The following SLC22A3 variants were observed in gnomAD, a reference collection of about 807,000 sequenced individuals.
The protein encoded by SLC22A3 is solute carrier family 22 member 3, also known as EMT organic cation transporter 3.
Under a neutral mutation model 59.1 loss-of-function variants are expected in SLC22A3, and 51 were observed. The ratio of observed to expected loss-of-function variants is 0.86; its 90% CI spans 0.69 to 1.09. SLC22A3 has a LOEUF of 1.09. Ranked by LOEUF, SLC22A3 falls within the 50% of genes least tolerant of loss-of-function variation. The pLI is 0.00. For synonymous variants in SLC22A3, 325 were observed against 292.0 expected, an observed-to-expected ratio of 1.11 and a Z score of -1.15; for missense variants, 711 against 726.3, an observed-to-expected ratio of 0.98 and a Z score of 0.24.
At position 160,451,744 on chromosome 6, in the gene SLC22A3, G is replaced by C. The variant is rs1025252024; in HGVS notation, c.*688G>C. 6.6e-6 allele frequency: 1 copy of C among 152,214 alleles called. No individual in the cohort carries two copies. Among genetic ancestry groups the C allele is most frequent in the Admixed American group, 6.5e-5 (1 of 15,276 alleles). The allele number at this position is 152,214 out of a possible 1,614,324, so 9.4% of individuals were successfully genotyped here. A position where few individuals can be genotyped will look rare whatever the true frequency, so the allele number is the denominator to read the frequency against. On this transcript the variant is annotated 3_prime_UTR_variant, in exon 11 of 11. Transcript: ENST00000275300. Reference sequence around the variant, plus strand: ...AGAACCAATCTGCTGTACAATCTGAGGACTTGGCTCTGTTATTTACAAAAT... The same window carrying C: ...AGAACCAATCTGCTGTACAATCTGACGACTTGGCTCTGTTATTTACAAAAT...
intron 4 of SLC22A3, among the ~76,000 whole-genome samples, 186 bp from the exon 5 acceptor site, chr6:160,410,543 G>T (rs1350528201): frequency 6.6e-6 from 1 of 151,804 alleles, no homozygotes; most frequent in Non-Finnish European, 1.5e-5. Context: ...TATCAAGCTA[G>T]CATTTTTCCC....
chr6:160,386,870 TG>T lies in SLC22A3; in HGVS notation c.430-11107del, dbSNP rs1478110649. On this transcript the variant is annotated intron_variant, in intron 1 of 10. Coordinates refer to ENST00000275300, the MANE Select transcript of SLC22A3 (RefSeq NM_021977.4). ...AGTAATGCATCTGGAATGGACCTCC[TG>T]GCTCCTTCCTATTTCTCATCTTGAT... 2.0e-5 allele frequency among the ~76,000 whole-genome samples: 3 copies of T among 152,216 alleles called. No individual in the cohort carries two copies. In the East Asian group the frequency reaches 5.8e-4, roughly 29 times the overall value.
chr6:160,440,563 C>G (rs896268348), intron 7 of SLC22A3, among the ~76,000 whole-genome samples: 3 of 152,162 alleles, frequency 2.0e-5, no homozygotes, highest in Admixed American at 2.0e-4. Flanking sequence ...AGTTTCAGTA[C>G]TCATTTTTAA....
chr6:160,351,332 G>T (rs1165795641), intron 1 of SLC22A3, among the ~76,000 whole-genome samples: 2 of 152,162 alleles, frequency 1.3e-5, no homozygotes, highest in Non-Finnish European at 2.9e-5. Context: ...AGCCAGGATG[G>T]TCTCGATCTC....
chr6:160,362,833 C>A lies in SLC22A3; in HGVS notation c.429+13985C>A, dbSNP rs890995343. Among the ~76,000 whole-genome samples, 3 of 152,312 alleles carry A rather than the reference C, an allele frequency of 2.0e-5. No individual in the cohort carries two copies. In the East Asian group the frequency reaches 5.8e-4, roughly 29 times the overall value. On this transcript the variant is annotated intron_variant, in intron 1 of 10. Transcript: ENST00000275300. ...AGCAGTGCTGCAGGAGCCCCGAGCT[C>A]GAGGTGGTGCCGGCAGCCGCGCGCT...
chr6:160,411,243 AC>A lies in SLC22A3; in HGVS notation c.975+398del, dbSNP rs1787236489. ...TCATCTTGATTGTACAAACTGTAAA[AC>A]TTTTTTTGACTTTTAATTTAAATCT... On this transcript the variant is annotated intron_variant, in intron 5 of 10. Coordinates refer to ENST00000275300, the MANE Select transcript of SLC22A3 (RefSeq NM_021977.4). 2.0e-5 allele frequency among the ~76,000 whole-genome samples: 3 copies of A among 152,156 alleles called. No individual in the cohort carries two copies. In the South Asian group the frequency reaches 6.2e-4, roughly 32 times the overall value.
At chr6:160,437,664 T>A (rs548757088) in intron 7 of SLC22A3, among the ~76,000 whole-genome samples, 2 of 152,232 alleles carry the variant, frequency 1.3e-5, no homozygotes, top group Non-Finnish European at 2.9e-5. Flanking sequence ...ATTCTTATTG[T>A]CATGAATTAT....
chr6:160,430,487 C>T (rs1341333194), intron 5 of SLC22A3, among the ~76,000 whole-genome samples: 2 of 152,050 alleles, frequency 1.3e-5, no homozygotes, highest in Non-Finnish European at 2.9e-5. Flanking sequence ...AATGTTTCAC[C>T]AGGAAGAATT....
intron 5 of SLC22A3, among the ~76,000 whole-genome samples, chr6:160,423,465 C>T: frequency 6.7e-6 from 1 of 149,106 alleles, no homozygotes; most frequent in East Asian, 2.0e-4. Context: ...GAAAGTGTTT[C>T]TATTTCTCCA....
intron 2 of SLC22A3, among the ~76,000 whole-genome samples, chr6:160,401,737 A>C (rs1010305661): frequency 6.6e-6 from 1 of 151,962 alleles, no homozygotes; most frequent in Admixed American, 6.6e-5. Context: ...GCATATATAG[A>C]GTATTTTTTG....
At chr6:160,427,219 A>C (rs1057116918) in intron 5 of SLC22A3, among the ~76,000 whole-genome samples, 5 of 152,154 alleles carry the variant, frequency 3.3e-5, no homozygotes, top group African/African-American at 4.8e-5. Flanking sequence ...TTGCCAAGAA[A>C]ACGTGCAGGA....
At chr6:160,446,344 T>G (rs1390133793) in intron 9 of SLC22A3, among the ~76,000 whole-genome samples, 3 of 152,174 alleles carry the variant, frequency 2.0e-5, no homozygotes, top group African/African-American at 7.2e-5. Flanking sequence ...CCATATTAGT[T>G]CGTTTGCCAC....
chr6:160,375,660 T>C (rs1024136414), intron 1 of SLC22A3, among the ~76,000 whole-genome samples: 5 of 152,234 alleles, frequency 3.3e-5, no homozygotes, highest in Non-Finnish European at 5.9e-5. Context: ...TCTTGTTTAT[T>C]GAAAGAACAG....
chr6:160,449,603 TG>T (rs1468342942), intron 10 of SLC22A3, among the ~76,000 whole-genome samples: 5 of 152,226 alleles, frequency 3.3e-5, no homozygotes, highest in Non-Finnish European at 7.3e-5. Context: ...TGCTGGTTTT[TG>T]TTCATGTTAA....
chr6:160,399,516 T>C (rs978457802), intron 2 of SLC22A3, among the ~76,000 whole-genome samples: 15 of 152,208 alleles, frequency 9.9e-5, no homozygotes, highest in African/African-American at 3.4e-4. Context: ...ATTGAGCATC[T>C]GTCCTCATAT....
chr6:160,433,982 A>AATGG (rs1788249951), intron 5 of SLC22A3, among the ~76,000 whole-genome samples: 2 of 152,236 alleles, frequency 1.3e-5, no homozygotes, highest in Admixed American at 6.5e-5. Flanking sequence ...GTGTGTGCTG[A>AATGG]ATGGACAGTG....
At chr6:160,436,172 G>C (rs1283487927) in intron 5 of SLC22A3, among the ~76,000 whole-genome samples, 1 of 152,192 alleles carries the variant, frequency 6.6e-6, no homozygotes, top group African/African-American at 2.4e-5. Flanking sequence ...CTGGAGGCAG[G>C]ATGTGGGGAT....
intron 1 of SLC22A3, among the ~76,000 whole-genome samples, chr6:160,351,940 A>T (rs1172682416): frequency 6.6e-6 from 1 of 152,250 alleles, no homozygotes. Flanking sequence ...CCTTCAAGCA[A>T]GTCCATGAAA....
intron 1 of SLC22A3, among the ~76,000 whole-genome samples, chr6:160,371,121 C>A (rs1318045886): frequency 6.6e-6 from 1 of 152,230 alleles, no homozygotes; most frequent in South Asian, 2.1e-4. Flanking sequence ...AAACCCCAGT[C>A]TCTGTAGCCC....
Sources: gnomAD v4.1 joint callset for allele counts (sites outside exome capture counted in the v4.1 genomes callset) on GRCh38, gnomAD v4.1.1 for gene constraint, MANE v1.5 for transcripts, NCBI Gene and HGNC (gene_info 2026-07-23, HGNC 2026-07-21) for gene names.